The following TYW1B variants were observed in gnomAD, a reference collection of about 807,000 sequenced individuals.
TYW1B encodes S-adenosyl-L-methionine-dependent tRNA 4-demethylwyosine synthase TYW1B.
In TYW1B, 73 loss-of-function variants were observed where a neutral mutation model predicts 86.9. The observed-to-expected ratio is 0.84, with a 90% CI of 0.70 to 1.02. TYW1B has a LOEUF of 1.02. Among genes scored for constraint, TYW1B ranks in the 50% least tolerant of loss-of-function variants. TYW1B has a pLI of 0.00. For synonymous variants in TYW1B, 248 were observed against 292.8 expected, an observed-to-expected ratio of 0.85 and a Z score of 1.56; for missense variants, 637 against 827.4, an observed-to-expected ratio of 0.77 and a Z score of 2.82.
chr7:72,685,637 A>G (rs1307060902), intron 11 of TYW1B, among the ~76,000 whole-genome samples: 2 of 152,204 alleles, frequency 1.3e-5, no homozygotes, highest in African/African-American at 2.4e-5. Flanking sequence ...CGAACACCTT[A>G]TATCTCTCCC....
chr7:72,597,766 C>G (rs1284080404), intron 13 of TYW1B, among the ~76,000 whole-genome samples: 1 of 152,040 alleles, frequency 6.6e-6, no homozygotes, highest in African/African-American at 2.4e-5. Flanking sequence ...TAGAAAAATA[C>G]ACATTACAAA....
intron 11 of TYW1B, among the ~76,000 whole-genome samples, chr7:72,632,404 T>TACATATATATATAAA (rs1812544128): frequency 1.1e-5 from 1 of 93,150 alleles, no homozygotes; most frequent in Admixed American, 1.3e-4. Flanking sequence ...ATATATAATA[T>TACATATATATATAAA]ATATATACAT....
intron 13 of TYW1B, among the ~76,000 whole-genome samples, chr7:72,593,440 G>A (rs1282116057): frequency 9.2e-5 from 14 of 152,070 alleles, no homozygotes; most frequent in Admixed American, 2.0e-4. Flanking sequence ...CAGGAAAGGC[G>A]GTAAGTTAGG....
chr7:72,785,348 A>C (rs1334864754), intron 6 of TYW1B, among the ~76,000 whole-genome samples: 1 of 147,602 alleles, frequency 6.8e-6, no homozygotes, highest in African/African-American at 2.5e-5. Flanking sequence ...CTAATTATAT[A>C]TATTAATATA....
At position 72,697,031 on chromosome 7, in the gene TYW1B, T is replaced by TAAAAA. The variant is rs781801843; in HGVS notation, c.1371-2214_1371-2210dup. On this transcript the variant is annotated intron_variant, in intron 10 of 13. Coordinates refer to ENST00000620995, the MANE Select transcript of TYW1B (RefSeq NM_001145440.3). ...ATGCTTCCTTAACTGGATTTCTACT[T>TAAAAA]AAAAAAAAAAAAAAAAAAAAAAAAA... 3.0e-4 allele frequency among the ~76,000 whole-genome samples: 41 copies of TAAAAA among 137,942 alleles called. 1 individual carries two copies. The highest frequency in any genetic ancestry group is 8.8e-4 in the African/African-American group (32 of 36,312). The allele number at this position is 137,942 out of a possible 152,430, so 90.5% of individuals were successfully genotyped here.
chr7:72,702,292 C>T (rs1257398128), intron 10 of TYW1B, among the ~76,000 whole-genome samples: 2 of 152,086 alleles, frequency 1.3e-5, no homozygotes, highest in Non-Finnish European at 2.9e-5. Context: ...TGACAATTTC[C>T]CAGGAATGAG....
intron 7 of TYW1B, among the ~76,000 whole-genome samples, chr7:72,749,141 T>C (rs1244190350): frequency 6.6e-6 from 1 of 152,202 alleles, no homozygotes; most frequent in African/African-American, 2.4e-5. Context: ...ATATTTTGGT[T>C]GAGTTTTAAT....
Position 72,804,267 on chromosome 7 carries a change from A to G in TYW1B, c.724-1745T>C, listed in dbSNP as rs544514823. ...GACCCTGCACTCCAGCCTTGGCAAC[A>G]GAGCAAGACTCCATCTCAAAAAAAA... On this transcript the variant is annotated intron_variant, in intron 5 of 13. Transcript: ENST00000620995. Among the ~76,000 whole-genome samples the G allele has an allele frequency of 2.0e-3, 307 of 150,996 alleles. 2 individuals carry two copies. Among genetic ancestry groups the G allele is most frequent in the Middle Eastern group, 6.8e-3 (2 of 294 alleles).
intron 11 of TYW1B, among the ~76,000 whole-genome samples, chr7:72,661,474 T>C (rs1384980724): frequency 4.8e-3 from 701 of 147,472 alleles, no homozygotes; most frequent in Admixed American, 0.015. Flanking sequence ...TTTATAATTA[T>C]CACGTGGATG....
intron 9 of TYW1B, among the ~76,000 whole-genome samples, chr7:72,722,289 A>C (rs1317995559): frequency 1.3e-5 from 2 of 152,174 alleles, no homozygotes; most frequent in Non-Finnish European, 2.9e-5. Context: ...TATAGATAAA[A>C]ACACCTAGCA....
intron 7 of TYW1B, among the ~76,000 whole-genome samples, chr7:72,774,700 C>T (rs1201200893): frequency 3.3e-5 from 5 of 151,964 alleles, no homozygotes; most frequent in African/African-American, 7.3e-5. Context: ...CACTGCGCTC[C>T]GGCCTGGGCA....
rs554723605 is a variant in TYW1B at position 72,805,573 on chromosome 7, G to A, written c.723+1493C>T. ...GGCTGCAGTGAGCCATGATCATACC[G>A]TTGTACTCTGACTGGGGGTGACAGA... On this transcript the variant is annotated intron_variant, in intron 5 of 13. Coordinates refer to ENST00000620995, the MANE Select transcript of TYW1B (RefSeq NM_001145440.3). 3.6e-4 allele frequency among the ~76,000 whole-genome samples: 54 copies of A among 150,910 alleles called. No homozygotes were observed. In the Middle Eastern group the frequency reaches 0.014, roughly 38 times the overall value.
chr7:72,711,412 C>T (rs1554454746), intron 10 of TYW1B, among the ~76,000 whole-genome samples: 2 of 149,248 alleles, frequency 1.3e-5, no homozygotes, highest in African/African-American at 4.9e-5. Context: ...AAGTCCCTCC[C>T]AGGTTCAGAA....
intron 8 of TYW1B, among the ~76,000 whole-genome samples, chr7:72,732,964 C>T (rs1226808021): frequency 6.6e-6 from 1 of 151,874 alleles, no homozygotes; most frequent in Non-Finnish European, 1.5e-5. Context: ...CTGTTATAAC[C>T]AACTGTACAC....
chr7:72,719,449 T>G lies in TYW1B; in HGVS notation c.1193-5651A>C, dbSNP rs185604952. Among the ~76,000 whole-genome samples the G allele has an allele frequency of 7.6e-3, 1,147 of 151,372 alleles. 9 individuals are homozygous for G. Among genetic ancestry groups the G allele is most frequent in the Non-Finnish European group, 0.012 (829 of 67,798 alleles). On this transcript the variant is annotated intron_variant, in intron 9 of 13. Transcript: ENST00000620995. ...TTCGAGACCAGCCTGACCAACATGGTGAAACCCCATCTCTACCAAAAATAT... is the reference window on the plus strand; with the variant it reads ...TTCGAGACCAGCCTGACCAACATGGGGAAACCCCATCTCTACCAAAAATAT...
At chr7:72,731,331 G>C (rs1170480134) in intron 8 of TYW1B, among the ~76,000 whole-genome samples, 1 of 111,252 alleles carries the variant, frequency 9.0e-6, no homozygotes, top group African/African-American at 3.4e-5. Context: ...TGGTAGGGCA[G>C]ATATACAAAT....
intron 6 of TYW1B, among the ~76,000 whole-genome samples, chr7:72,801,234 C>A (rs1788399280): frequency 6.6e-6 from 1 of 152,086 alleles, no homozygotes; most frequent in African/African-American, 2.4e-5. Flanking sequence ...GAGGCTGAGG[C>A]AGGAGAATCA....
In TYW1B at chr7:72,789,674, G is replaced by A. The variant is rs1359760521; in HGVS notation, c.847-12141C>T. On this transcript the variant is annotated intron_variant, in intron 6 of 13. Transcript: ENST00000620995. ...TTTTTATTAATAGAGACAGAGTGTT[G>A]CTATGTTGCCGAGGCTGGTCTCAAA... Among the ~76,000 whole-genome samples the A allele has an allele frequency of 1.2e-4, 18 of 151,800 alleles. No individual in the cohort carries two copies. In the East Asian group the frequency reaches 2.1e-3, roughly 18 times the overall value.
chr7:72,621,945 G>C (rs1812228856), intron 12 of TYW1B, among the ~76,000 whole-genome samples: 1 of 152,224 alleles, frequency 6.6e-6, no homozygotes, highest in South Asian at 2.1e-4. Flanking sequence ...TCATTTTGCA[G>C]GGTGCATTCT....
Sources: allele counts gnomAD v4.1 joint callset (sites outside exome capture counted in the v4.1 genomes callset), GRCh38; gene constraint gnomAD v4.1.1; transcripts MANE v1.5; gene names NCBI Gene and HGNC (gene_info 2026-07-23, HGNC 2026-07-21).